Variants in RPAP2 observed in about 807,000 individuals in gnomAD.
RPAP2 encodes the protein putative RNA polymerase II subunit B1 CTD phosphatase RPAP2.
A neutral mutation model predicts 73.1 loss-of-function variants in RPAP2; 52 were observed. The ratio of observed to expected loss-of-function variants is 0.71; its 90% CI spans 0.57 to 0.90. The LOEUF (loss-of-function observed/expected upper bound fraction) is 0.90, where lower values mean the gene tolerates loss of function less well. Among genes scored for constraint, RPAP2 ranks in the 40% least tolerant of loss-of-function variants. The probability of loss-of-function intolerance (pLI) is 0.00; values close to 1 mark genes in which losing one functional copy is unlikely to be tolerated. For synonymous variants in RPAP2, 225 were observed against 242.1 expected, an observed-to-expected ratio of 0.93 and a Z score of 0.65; for missense variants, 598 against 701.8, an observed-to-expected ratio of 0.85 and a Z score of 1.67.
chr1:92,387,002 G>A lies in RPAP2; in HGVS notation c.*-9G>A. 1.3e-6 allele frequency: 2 copies of A among 1,583,864 alleles called. No individual in the cohort carries two copies. The highest frequency in any genetic ancestry group is 1.7e-6 in the Non-Finnish European group (2 of 1,161,710). ...TGTTTTACTCAAAGTATCCTTTTTTGCTTCACAGATATATTCCATGAAGAC... is the reference window on the plus strand; with the variant it reads ...TGTTTTACTCAAAGTATCCTTTTTTACTTCACAGATATATTCCATGAAGAC... On this transcript the variant is annotated splice_polypyrimidine_tract_variant and intron_variant, in intron 12 of 12. Transcript: ENST00000610020.
At chr1:92,300,323 C>CA in intron 2 of RPAP2, 84 bp downstream of exon 2, 1 of 831,672 alleles carries the variant, frequency 1.2e-6, no homozygotes, top group Non-Finnish European at 1.8e-6. Context: ...TAATGGTTAC[C>CA]TTTTTTTTTT....
chr1:92,324,735 T>G (rs1424328490), intron 8 of RPAP2, among the ~76,000 whole-genome samples: 2 of 152,230 alleles, frequency 1.3e-5, no homozygotes, highest in Non-Finnish European at 2.9e-5. Flanking sequence ...GGGGTCTGTG[T>G]GTGTGTGTTT....
intron 5 of RPAP2, among the ~76,000 whole-genome samples, chr1:92,306,370 T>C (rs1023645814): frequency 1.1e-4 from 16 of 152,218 alleles, no homozygotes; most frequent in African/African-American, 3.9e-4. Flanking sequence ...TTTTAGATTA[T>C]GTATATTTTA....
intron 11 of RPAP2, among the ~76,000 whole-genome samples, chr1:92,349,682 T>C (rs1380340252): frequency 2.0e-5 from 3 of 152,078 alleles, no homozygotes; most frequent in Non-Finnish European, 4.4e-5. Flanking sequence ...AATCCCAGCA[T>C]TTTGGGAGGC....
chr1:92,347,645 A>G (rs1653974219), intron 11 of RPAP2, among the ~76,000 whole-genome samples: 1 of 152,256 alleles, frequency 6.6e-6, no homozygotes, highest in Admixed American at 6.5e-5. Context: ...AATAAAGGCT[A>G]CCATTAAAAT....
intron 11 of RPAP2, among the ~76,000 whole-genome samples, chr1:92,371,319 A>ATAAT (rs1553155687): frequency 1.6e-5 from 1 of 61,730 alleles, no homozygotes; most frequent in African/African-American, 7.2e-5. Context: ...AAAAAAAAAA[A>ATAAT]ATATATATAT....
chr1:92,350,061 A>G (rs901023905), intron 11 of RPAP2, among the ~76,000 whole-genome samples: 8 of 152,238 alleles, frequency 5.3e-5, no homozygotes, highest in African/African-American at 1.9e-4. Flanking sequence ...AATGCATCCC[A>G]TATGAAAATA....
chr1:92,334,498 G>C (rs1167155142), intron 9 of RPAP2, among the ~76,000 whole-genome samples: 2 of 152,086 alleles, frequency 1.3e-5, no homozygotes, highest in African/African-American at 4.8e-5. Flanking sequence ...AATGGAAACA[G>C]TTAGGGGTCA....
chr1:92,397,444 T>C lies in RPAP2; in HGVS notation c.*10433T>C, dbSNP rs1433478860. 1 of 152,168 alleles carries C rather than the reference T, an allele frequency of 6.6e-6. No individual in the cohort carries two copies. Among genetic ancestry groups the C allele is most frequent in the Non-Finnish European group, 1.5e-5 (1 of 68,048 alleles). The allele number at this position is 152,168 out of a possible 1,614,324, so 9.4% of individuals were successfully genotyped here. A position where few individuals can be genotyped will look rare whatever the true frequency, so the allele number is the denominator to read the frequency against. Reference sequence around the variant, plus strand: ...CTGCTGTATCTCCACTTCTTCCCTCTCTGTGCCCAGAGATATCTCTTCAGT... The same window carrying C: ...CTGCTGTATCTCCACTTCTTCCCTCCCTGTGCCCAGAGATATCTCTTCAGT... On this transcript the variant is annotated 3_prime_UTR_variant, in exon 13 of 13. Transcript: ENST00000610020.
rs1431774836 is a variant in RPAP2 at position 92,395,511 on chromosome 1, C to T, written c.*8500C>T. 2.0e-5 allele frequency: 3 copies of T among 151,782 alleles called. No individual in the cohort carries two copies. The highest frequency in any genetic ancestry group is 7.3e-5 in the African/African-American group (3 of 41,272). 9.4% of individuals were successfully genotyped at this position (151,782 alleles called of 1,614,324 possible). ...ATTAACCAGGCATGGTGGCGTGCTC[C>T]TGTAGTCCTGGCTACTCAGAAGGCT... On this transcript the variant is annotated 3_prime_UTR_variant, in exon 13 of 13. Transcript: ENST00000610020.
In RPAP2 at chr1:92,304,055, T is replaced by G; in HGVS notation, c.313T>G (p.Cys105Gly). The G allele has an allele frequency of 1.2e-6, 2 of 1,611,444 alleles. No individual in the cohort carries two copies. Among genetic ancestry groups the G allele is most frequent in the Non-Finnish European group, 1.7e-6 (2 of 1,178,726 alleles). The stretch of plus-strand genomic sequence containing the variant: ...TGTCAAACTCTGTGGTTATCCTTTA[T>G]GTCAGAAGAAGCTGGGAATTGTAAG... ...SIVKLCGYPL[C>G]QKKLGIVPKQ... The change falls in exon 4 of 13, where the codon TGT becomes GGT. Residue 105 changes from cysteine (C) to glycine (G), a missense_variant. Physicochemically the swap from Cys to Gly is radical, Grantham distance 159. Coordinates refer to ENST00000610020, the MANE Select transcript of RPAP2 (RefSeq NM_024813.3).
intron 11 of RPAP2, among the ~76,000 whole-genome samples, chr1:92,374,280 G>C (rs145227558): frequency 2.6e-5 from 4 of 152,180 alleles, no homozygotes; most frequent in Non-Finnish European, 5.9e-5. Flanking sequence ...AGTTAACTAG[G>C]AAGAGAACAC....
At position 92,393,952 on chromosome 1, in the gene RPAP2, T is replaced by C. The variant is rs1656118773; in HGVS notation, c.*6941T>C. ...AAGGATCTAGAACTGGAAATACCAT[T>C]TGACCCAGCAATCCCACTATTGGGC... On this transcript the variant is annotated 3_prime_UTR_variant, in exon 13 of 13. Transcript: ENST00000610020. 6.6e-6 allele frequency: 1 copy of C among 152,148 alleles called. No individual in the cohort carries two copies. Among genetic ancestry groups the C allele is most frequent in the African/African-American group, 2.4e-5 (1 of 41,424 alleles). 9.4% of individuals were successfully genotyped at this position (152,148 alleles called of 1,614,324 possible).
chr1:92,329,274 G>A (rs1369711450), intron 8 of RPAP2, among the ~76,000 whole-genome samples: 1 of 152,132 alleles, frequency 6.6e-6, no homozygotes, highest in Non-Finnish European at 1.5e-5. Flanking sequence ...AGACCATCAG[G>A]TGGGGGTACC....
At position 92,381,020 on chromosome 1, in the gene RPAP2, T is replaced by A. The variant is rs149045163; in HGVS notation, c.1838+147T>A. On this transcript the variant is annotated intron_variant, in intron 12 of 12. Transcript: ENST00000610020. ...TAAGGAAGGACATGATATCCCTTAG[T>A]TCTCAACTGCCTCAGTCACTTCCTG... The A allele has an allele frequency of 9.6e-5, 58 of 605,840 alleles. No individual in the cohort carries two copies. In the East Asian group the frequency reaches 1.8e-3, roughly 19 times the overall value. 37.5% of individuals were successfully genotyped at this position (605,840 alleles called of 1,614,324 possible). A position where few individuals can be genotyped will look rare whatever the true frequency, so the allele number is the denominator to read the frequency against.
rs1177143322 is a variant in RPAP2, at chr1:92,299,126, G to A, written c.53G>A (p.Arg18His). 1.8e-5 allele frequency: 28 copies of A among 1,521,024 alleles called. No individual in the cohort carries two copies. The highest frequency in any genetic ancestry group is 2.5e-5 in the Non-Finnish European group (28 of 1,130,992). The allele number at this position is 1,521,024 out of a possible 1,614,324, so 94.2% of individuals were successfully genotyped here. A position where few individuals can be genotyped will look rare whatever the true frequency, so the allele number is the denominator to read the frequency against. The change falls in exon 1 of 13, where the codon CGC becomes CAC. Residue 18 changes from arginine to histidine, a missense_variant. Around this residue, in one of 3 missense-constraint regions of RPAP2, gnomAD observed 77 missense variants for 55.7 expected, o/e 1.38. Coordinates refer to ENST00000610020, the MANE Select transcript of RPAP2 (RefSeq NM_024813.3). Reference protein sequence around the residue: ...SSAGRKAGAPRCSRKAAGTKQ... With the variant: ...SSAGRKAGAPHCSRKAAGTKQ... ...GCCGGCCGCAAGGCCGGGGCTCCCC[G>A]CTGCTCTCGAAAAGCCGCAGGTAGG...
chr1:92,349,358 C>T (rs1654080817), intron 11 of RPAP2, among the ~76,000 whole-genome samples: 1 of 152,120 alleles, frequency 6.6e-6, no homozygotes, highest in Non-Finnish European at 1.5e-5. Flanking sequence ...TCCATGAAAG[C>T]TGTTTTCAGA....
At chr1:92,345,987 C>G (rs1653874375) in intron 11 of RPAP2, 73 bp downstream of exon 11, 1 of 1,069,374 alleles carries the variant, frequency 9.4e-7, no homozygotes, top group African/African-American at 1.6e-5. Flanking sequence ...ACAAAGTGAT[C>G]CACTGATTTT....
At chr1:92,322,426 C>G (rs1652332445) in intron 7 of RPAP2, among the ~76,000 whole-genome samples, 1 of 151,212 alleles carries the variant, frequency 6.6e-6, no homozygotes, top group Non-Finnish European at 1.5e-5. Context: ...CACCTGTAAT[C>G]CCAGCTACTT....
Sources: gnomAD v4.1 joint callset for allele counts (sites outside exome capture counted in the v4.1 genomes callset) on GRCh38, gnomAD v4.1.1 for gene constraint, gnomAD v4.1.1 regional missense constraint, MANE v1.5 for transcripts, NCBI Gene and HGNC (gene_info 2026-07-23, HGNC 2026-07-21) for gene names.